The following USH2A variants were observed in gnomAD, a reference collection of about 807,000 sequenced individuals.
The protein encoded by USH2A is Usher syndrome 2A (autosomal recessive, mild).
A neutral mutation model predicts 538.9 loss-of-function variants in USH2A; 443 were observed. That is an observed-to-expected ratio of 0.82 (90% CI 0.76 to 0.89). USH2A has a LOEUF of 0.89. USH2A is among the 40% of genes least tolerant of loss of function. The probability of loss-of-function intolerance (pLI) is 0.00; values close to 1 mark genes in which losing one functional copy is unlikely to be tolerated. For missense variants in USH2A, 6,633 were observed against 6,324.8 expected, an observed-to-expected ratio of 1.05 and a Z score of -1.65; for synonymous variants, 2,413 against 2,273.5, an observed-to-expected ratio of 1.06 and a Z score of -1.75.
At chr1:215,664,828 C>G (rs1260970876) in intron 64 of USH2A, among the ~76,000 whole-genome samples, 1 of 152,088 alleles carries the variant, frequency 6.6e-6, no homozygotes, top group Non-Finnish European at 1.5e-5. Context: ...GAAGGTGGCC[C>G]TCACCAGACA....
chr1:216,285,938 G>T (rs532299281), intron 11 of USH2A, among the ~76,000 whole-genome samples: 9 of 152,164 alleles, frequency 5.9e-5, no homozygotes, highest in Non-Finnish European at 1.3e-4. Context: ...TGCCTGTACC[G>T]CTATTGTATC....
At chr1:216,250,859 G>T (rs1174956006) in intron 12 of USH2A, 44 bp downstream of exon 12, 1 of 1,593,780 alleles carries the variant, frequency 6.3e-7, no homozygotes, top group Admixed American at 1.7e-5. Context: ...TTTTATTCCA[G>T]ATGGTAATAG....
At chr1:216,086,666 A>C in intron 24 of USH2A, 53 bp downstream of exon 24, 2 of 1,308,558 alleles carry the variant, frequency 1.5e-6, no homozygotes, top group Admixed American at 1.7e-5. Flanking sequence ...TAATGTAAAC[A>C]GGTTCTATTC....
chr1:216,282,782 A>T (rs937225286), intron 11 of USH2A, among the ~76,000 whole-genome samples: 21 of 152,184 alleles, frequency 1.4e-4, no homozygotes, highest in African/African-American at 4.6e-4. Flanking sequence ...CAAAGATTAC[A>T]CTAAATCTGT....
intron 9 of USH2A, among the ~76,000 whole-genome samples, chr1:216,313,487 C>A (rs115289970): frequency 1.3e-5 from 2 of 152,102 alleles, no homozygotes; most frequent in Non-Finnish European, 2.9e-5. Flanking sequence ...CCTTTAAATG[C>A]TATTTTTAAT....
rs756550719 is a variant in USH2A at position 215,625,909 on chromosome 1, T to C, written c.15520-39A>G. The C allele has an allele frequency of 1.8e-5, 28 of 1,552,902 alleles. No individual in the cohort carries two copies. In the South Asian group the frequency reaches 2.9e-4, roughly 16 times the overall value. ...CAATCATCATTGGCTACATACTTGC[T>C]ATCAATAGTATTTGCTATCAATTTA... is the stretch of plus-strand genomic sequence containing the variant. On this transcript the variant is annotated intron_variant, in intron 71 of 71. Coordinates refer to ENST00000307340, the MANE Select transcript of USH2A (RefSeq NM_206933.4).
intron 21 of USH2A, among the ~76,000 whole-genome samples, chr1:216,146,367 C>G (rs1298535913): frequency 6.6e-6 from 1 of 152,148 alleles, no homozygotes; most frequent in African/African-American, 2.4e-5. Flanking sequence ...ACTCAAAACT[C>G]CGGCGCTGGT....
At chr1:215,689,834 G>A (rs1658545616) in intron 61 of USH2A, among the ~76,000 whole-genome samples, 1 of 152,176 alleles carries the variant, frequency 6.6e-6, no homozygotes, top group Non-Finnish European at 1.5e-5. Context: ...TGAGAACACA[G>A]CCCAACAGAC....
intron 11 of USH2A, among the ~76,000 whole-genome samples, chr1:216,266,309 C>T (rs937513349): frequency 1.3e-5 from 2 of 152,030 alleles, no homozygotes; most frequent in Non-Finnish European, 2.9e-5. Flanking sequence ...AAAAAGGAAA[C>T]AAAAATTTCC....
At chr1:216,413,658 G>A (rs1290526058) in intron 3 of USH2A, among the ~76,000 whole-genome samples, 1 of 151,780 alleles carries the variant, frequency 6.6e-6, no homozygotes, top group Admixed American at 6.6e-5. Context: ...TATCATATTA[G>A]AACTGCTCTT....
chr1:215,855,141 G>C (rs1664127800), intron 44 of USH2A, among the ~76,000 whole-genome samples: 1 of 151,098 alleles, frequency 6.6e-6, no homozygotes. Flanking sequence ...AATCAGACAA[G>C]AGAAAAAAAT....
At chr1:215,795,412 C>T (rs1274067210) in intron 50 of USH2A, among the ~76,000 whole-genome samples, 1 of 152,144 alleles carries the variant, frequency 6.6e-6, no homozygotes, top group South Asian at 2.1e-4. Context: ...GCACTTTTCT[C>T]CTTGATTAGG....
intron 61 of USH2A, among the ~76,000 whole-genome samples, chr1:215,695,949 A>G (rs996798613): frequency 4.0e-5 from 6 of 151,690 alleles, no homozygotes; most frequent in African/African-American, 1.5e-4. Context: ...GGGTTTCCCC[A>G]TGTTGGCCAG....
intron 21 of USH2A, chr1:216,174,705 C>T: frequency 1.0e-6 from 1 of 987,064 alleles, no homozygotes. Flanking sequence ...GTTTTCCCCA[C>T]AATGTTCTTC....
intron 36 of USH2A, among the ~76,000 whole-genome samples, chr1:215,966,874 A>T (rs1667360442): frequency 6.6e-6 from 1 of 152,218 alleles, no homozygotes; most frequent in African/African-American, 2.4e-5. Context: ...ATAATCCTCA[A>T]ATATTTGGTT....
At chr1:215,980,117 G>A (rs1667715488) in intron 35 of USH2A, among the ~76,000 whole-genome samples, 1 of 152,128 alleles carries the variant, frequency 6.6e-6, no homozygotes, top group Non-Finnish European at 1.5e-5. Flanking sequence ...GTTGTGCAGG[G>A]GAGCATGCCA....
intron 21 of USH2A, among the ~76,000 whole-genome samples, chr1:216,167,856 A>G (rs1045649984): frequency 7.9e-5 from 12 of 152,106 alleles, no homozygotes; most frequent in Non-Finnish European, 1.2e-4. Flanking sequence ...GTGGCTACAG[A>G]TCTATATGAA....
chr1:215,710,204 G>A (rs1659299966), intron 61 of USH2A, among the ~76,000 whole-genome samples: 1 of 152,186 alleles, frequency 6.6e-6, no homozygotes, highest in South Asian at 2.1e-4. Flanking sequence ...ATGAAGAGGA[G>A]CTGAAAAATG....
intron 13 of USH2A, among the ~76,000 whole-genome samples, chr1:216,235,333 G>C (rs185401897): frequency 2.0e-3 from 302 of 152,190 alleles, no homozygotes; most frequent in Middle Eastern, 6.8e-3. Flanking sequence ...TTCATTCCAT[G>C]AATGATTTTG....
Sources: allele counts gnomAD v4.1 joint callset (sites outside exome capture counted in the v4.1 genomes callset), GRCh38; gene constraint gnomAD v4.1.1; transcripts MANE v1.5; gene names NCBI Gene and HGNC (gene_info 2026-07-23, HGNC 2026-07-21).